The following PRAMEF20 variants were observed in gnomAD, a reference collection of about 807,000 sequenced individuals.
The protein encoded by PRAMEF20 is PRAME family member 20/21.
PRAMEF20 carries 27 observed loss-of-function variants against 32.4 expected under a neutral mutation model. That is an observed-to-expected ratio of 0.83 (90% CI 0.61 to 1.15). The LOEUF (loss-of-function observed/expected upper bound fraction) is 1.15. Ranked by LOEUF, PRAMEF20 falls within the 50% of genes most tolerant of loss-of-function variation. PRAMEF20 has a pLI of 0.00. For missense variants in PRAMEF20, 604 were observed against 584.5 expected (o/e 1.03, Z -0.34); for synonymous variants, 256 against 235.4 (o/e 1.09, Z -0.80).
exon 1 of PRAMEF20, chr1:13,416,469 T>C: frequency 6.2e-7 from 1 of 1,613,838 alleles, no homozygotes; most frequent in Non-Finnish European, 8.5e-7. Flanking sequence ...TTTTCCCCCA[T>C]TGTTCATGGA....
intron 2 of PRAMEF20, among the ~76,000 whole-genome samples, chr1:13,419,356 C>T (rs990310655): frequency 6.6e-6 from 1 of 151,920 alleles, no homozygotes; most frequent in East Asian, 1.9e-4. Context: ...ACCATGTTGG[C>T]CAGGCTGGTC....
At chr1:13,418,928 G>A (rs1641213826) in intron 2 of PRAMEF20, among the ~76,000 whole-genome samples, 2 of 152,166 alleles carry the variant, frequency 1.3e-5, no homozygotes, top group East Asian at 1.9e-4. Context: ...GCTAGCTACT[G>A]GAGGATTCAG....
chr1:13,410,971 C>A, the PRAMEF20 span, among the ~76,000 whole-genome samples: 1 of 152,162 alleles, frequency 6.6e-6, no homozygotes, highest in African/African-American at 2.4e-5. Context: ...AATTCTCATG[C>A]CTCAGCCTCC....
chr1:13,416,306 C>T (rs1018202820), upstream of PRAMEF20: 2 of 1,612,046 alleles, frequency 1.2e-6, no homozygotes, highest in Non-Finnish European at 1.7e-6. Flanking sequence ...AGAGTGATGC[C>T]TTTTCTCTGG....
At chr1:13,416,244 G>T, upstream of PRAMEF20, 1 of 1,589,298 alleles carries the variant, frequency 6.3e-7, no homozygotes, top group African/African-American at 1.3e-5. Context: ...TTTCACCATT[G>T]CCAGAGCAAT....
At chr1:13,416,480 G>C in exon 1 of PRAMEF20, 1 of 1,614,120 alleles carries the variant, frequency 6.2e-7, no homozygotes, top group African/African-American at 1.3e-5. Flanking sequence ...TGTTCATGGA[G>C]GCCTTCAGCA....
At position 13,418,546 on chromosome 1, in the gene PRAMEF20, G is replaced by A. The variant is rs962195338; in HGVS notation, c.712G>A (p.Val238Ile). The change falls in exon 2 of 3, where the codon GTT becomes ATT. Residue 238 changes from valine to isoleucine, a missense_variant. Val to Ile is a conservative substitution (Grantham distance 29, BLOSUM62 3). Transcript: ENST00000602960. Reference sequence around the variant, plus strand: ...CCAGATGAGGAATCTTCGGAAGCTCGTTCTCTCTGACATAGATTCTCGCTA... The same window carrying A: ...CCAGATGAGGAATCTTCGGAAGCTCATTCTCTCTGACATAGATTCTCGCTA... 4.2e-4 allele frequency: 674 copies of A among 1,613,942 alleles called. 3 individuals carry two copies. Among genetic ancestry groups the A allele is most frequent in the Middle Eastern group, 1.3e-3 (8 of 6,056 alleles).
chr1:13,414,639 T>G (rs1425516597), upstream of PRAMEF20, among the ~76,000 whole-genome samples: 1 of 149,466 alleles, frequency 6.7e-6, no homozygotes, highest in Non-Finnish European at 1.5e-5. Flanking sequence ...TTGTGGGTTT[T>G]TTTTTAGTAG....
chr1:13,411,278 G>A, the PRAMEF20 span, among the ~76,000 whole-genome samples: 11 of 152,234 alleles, frequency 7.2e-5, no homozygotes, highest in East Asian at 1.4e-3. Flanking sequence ...GCAATGAGCC[G>A]TGCTCACACC....
intron 2 of PRAMEF20, among the ~76,000 whole-genome samples, chr1:13,419,661 T>A (rs918883867): frequency 6.6e-6 from 1 of 152,012 alleles, no homozygotes. Flanking sequence ...CCTGACCTTG[T>A]GATCCGCCCG....
chr1:13,411,569 G>A (rs1641114471), upstream of PRAMEF20, among the ~76,000 whole-genome samples: 1 of 151,986 alleles, frequency 6.6e-6, no homozygotes, highest in South Asian at 2.1e-4. Flanking sequence ...CATTATCCTG[G>A]GTGTAATTTT....
intron 2 of PRAMEF20, 75 bp downstream of exon 3, chr1:13,418,775 C>T: frequency 6.2e-7 from 1 of 1,605,092 alleles, no homozygotes. Context: ...CTACTGTGAG[C>T]CAGCCTATGA....
upstream of PRAMEF20, chr1:13,416,214 T>C (rs1006760382): frequency 7.4e-6 from 11 of 1,482,574 alleles, no homozygotes; most frequent in African/African-American, 9.7e-5. Flanking sequence ...CAGAGTAGAA[T>C]TGGAGTAAAC....
chr1:13,412,533 C>T (rs1641123850), upstream of PRAMEF20, among the ~76,000 whole-genome samples: 1 of 152,094 alleles, frequency 6.6e-6, no homozygotes, highest in Admixed American at 6.6e-5. Flanking sequence ...TCAAGATCCC[C>T]AAACAGATCC....
At chr1:13,417,910 T>TGTGTGTGTGTGTGTGTGTGTGTGTGGGTG in intron 1 of PRAMEF20, among the ~76,000 whole-genome samples, 1 of 124,294 alleles carries the variant, frequency 8.0e-6, no homozygotes, top group East Asian at 2.6e-4. Flanking sequence ...CCCGGCTAAT[T>TGTGTGTGTGTGTGTGTGTGTGTGTGGGTG]TGTGTGTGTG....
At chr1:13,419,804 G>A (rs1011597720) in intron 2 of PRAMEF20, among the ~76,000 whole-genome samples, 3 of 152,118 alleles carry the variant, frequency 2.0e-5, no homozygotes, top group South Asian at 2.1e-4. Flanking sequence ...CAGCAAACCT[G>A]CACATGTCAG....
upstream of PRAMEF20, chr1:13,416,243 T>G (rs1641167951): frequency 8.8e-6 from 14 of 1,589,496 alleles, no homozygotes; most frequent in East Asian, 2.2e-4. Flanking sequence ...CTTTCACCAT[T>G]GCCAGAGCAA....
exon 3 of PRAMEF20, chr1:13,421,128 T>G: frequency 6.2e-7 from 1 of 1,613,828 alleles, no homozygotes; most frequent in Non-Finnish European, 8.5e-7. Context: ...TTTGCCCAAC[T>G]TGGGGCTGAG....
chr1:13,421,136 G>C (rs1641239240), exon 3 of PRAMEF20: 2 of 1,613,840 alleles, frequency 1.2e-6, no homozygotes, highest in South Asian at 1.1e-5. Flanking sequence ...ACTTGGGGCT[G>C]AGCTGATGGG....
Sources: allele counts gnomAD v4.1 joint callset (sites outside exome capture counted in the v4.1 genomes callset), GRCh38; gene constraint gnomAD v4.1.1; transcripts MANE v1.5; gene names NCBI Gene and HGNC (gene_info 2026-07-23, HGNC 2026-07-21).